Variants in TBC1D22A observed in about 807,000 individuals in gnomAD.
TBC1D22A encodes putative GTPase activator.
A neutral mutation model predicts 60.2 loss-of-function variants in TBC1D22A; 38 were observed. The observed-to-expected ratio is 0.63, with a 90% CI of 0.49 to 0.83. TBC1D22A has a LOEUF of 0.83. Among genes scored for constraint, TBC1D22A ranks in the 40% least tolerant of loss-of-function variants. TBC1D22A has a pLI of 0.00. For missense variants in TBC1D22A, 628 were observed against 701.0 expected, an observed-to-expected ratio of 0.90 and a Z score of 1.18; for synonymous variants, 302 against 281.7, an observed-to-expected ratio of 1.07 and a Z score of -0.72.
rs114582080 is a variant in TBC1D22A at position 47,044,857 on chromosome 22, T to G, written c.1329+7659T>G. On this transcript the variant is annotated intron_variant, in intron 11 of 12. Transcript: ENST00000337137. The stretch of plus-strand genomic sequence containing the variant: ...GTCCTTAGCGACTTTAAGCTTGCTT[T>G]CTTCATGTATCAATCATGTTGCTTT... Among the ~76,000 whole-genome samples, 696 of 152,352 alleles carry G rather than the reference T, an allele frequency of 4.6e-3. 5 individuals carry two copies. Among genetic ancestry groups the G allele is most frequent in the African/African-American group, 0.016 (654 of 41,586 alleles).
In TBC1D22A at chr22:47,009,400, CA is replaced by C. The variant is rs1189668559; in HGVS notation, c.1201+11692del. ...ATTTCATCACCATCACCATCATTTCCATCATCACCATCATTGTGTCATCACC... is the reference window on the plus strand; with the variant it reads ...ATTTCATCACCATCACCATCATTTCCTCATCACCATCATTGTGTCATCACC... On this transcript the variant is annotated intron_variant, in intron 10 of 12. Transcript: ENST00000337137. This position sits in a 1 kb window ranked among gnomAD's most constrained non-coding sequence, Gnocchi z 5.8. Among the ~76,000 whole-genome samples the C allele has an allele frequency of 2.0e-5, 3 of 151,574 alleles. No individual in the cohort carries two copies. Among genetic ancestry groups the C allele is most frequent in the Non-Finnish European group, 4.4e-5 (3 of 67,894 alleles).
At chr22:46,897,876 T>A (rs952957237) in intron 7 of TBC1D22A, among the ~76,000 whole-genome samples, 1 of 150,996 alleles carries the variant, frequency 6.6e-6, no homozygotes, top group African/African-American at 2.4e-5. Context: ...GTTTAAACTT[T>A]GACATTTCTT....
At chr22:47,004,358 A>G (rs1027705969) in intron 10 of TBC1D22A, among the ~76,000 whole-genome samples, 13 of 150,700 alleles carry the variant, frequency 8.6e-5, no homozygotes, top group African/African-American at 3.2e-4. Context: ...ATACACATAT[A>G]CATACACTCC....
chr22:46,892,295 T>TAA (rs130980), intron 6 of TBC1D22A, among the ~76,000 whole-genome samples: 377 of 145,664 alleles, frequency 2.6e-3, no homozygotes, highest in South Asian at 8.3e-3. Flanking sequence ...GTTTTATCTG[T>TAA]AAAAAAAAAA....
intron 12 of TBC1D22A, chr22:47,116,034 G>T (rs367908476): frequency 6.6e-6 from 1 of 152,278 alleles, no homozygotes; most frequent in East Asian, 1.9e-4. Flanking sequence ...GGGGACTGGG[G>T]GTCCAACTGC....
chr22:46,919,118 A>G (rs535906741), intron 8 of TBC1D22A, among the ~76,000 whole-genome samples: 1 of 152,322 alleles, frequency 6.6e-6, no homozygotes. Context: ...CATCATCCCC[A>G]AAAGAAATCC....
intron 4 of TBC1D22A, among the ~76,000 whole-genome samples, chr22:46,820,387 CTCT>C (rs2085776187): frequency 1.3e-5 from 2 of 152,154 alleles, no homozygotes; most frequent in Admixed American, 1.3e-4. Context: ...ATAAATTTCC[CTCT>C]TAACACTGCT....
chr22:47,090,577 C>T (rs541609961), intron 11 of TBC1D22A, among the ~76,000 whole-genome samples: 12 of 152,316 alleles, frequency 7.9e-5, no homozygotes, highest in South Asian at 6.2e-4. Context: ...TGGGGGTGTC[C>T]GGTGGTGGGT....
intron 10 of TBC1D22A, among the ~76,000 whole-genome samples, chr22:47,021,456 C>T (rs2062084645): frequency 6.6e-6 from 1 of 151,056 alleles, no homozygotes. Context: ...CACCTGTCGC[C>T]TGGAGCCCTG....
intron 4 of TBC1D22A, among the ~76,000 whole-genome samples, chr22:46,818,636 T>G (rs1251876257): frequency 2.0e-5 from 3 of 152,236 alleles, no homozygotes; most frequent in Non-Finnish European, 4.4e-5. Context: ...ACCAGTACCA[T>G]GCAGTTTTGA....
intron 5 of TBC1D22A, among the ~76,000 whole-genome samples, chr22:46,884,228 G>A (rs1295446293): frequency 6.6e-6 from 1 of 152,172 alleles, no homozygotes; most frequent in Non-Finnish European, 1.5e-5. Flanking sequence ...GGCCGAGGAG[G>A]GGAAGGGGCT....
At chr22:46,837,306 C>G (rs1378742542) in intron 4 of TBC1D22A, among the ~76,000 whole-genome samples, 1 of 152,134 alleles carries the variant, frequency 6.6e-6, no homozygotes, top group African/African-American at 2.4e-5. Flanking sequence ...TAAGGGATTT[C>G]AGTACTGCAC....
At chr22:47,157,104 G>A (rs2067752083) in intron 12 of TBC1D22A, among the ~76,000 whole-genome samples, 1 of 152,242 alleles carries the variant, frequency 6.6e-6, no homozygotes, top group Non-Finnish European at 1.5e-5. Flanking sequence ...ATCTGGGGGT[G>A]CAAGGCGCCT....
chr22:46,860,552 C>G (rs2087811527), intron 4 of TBC1D22A, among the ~76,000 whole-genome samples: 6 of 142,096 alleles, frequency 4.2e-5, no homozygotes, highest in African/African-American at 1.1e-4. Context: ...GACCAGAATC[C>G]TTTTTTGATA....
At chr22:46,994,541 G>A (rs139512847) in intron 9 of TBC1D22A, among the ~76,000 whole-genome samples, 2,039 of 152,338 alleles carry the variant, frequency 0.013, 20 homozygotes, top group Middle Eastern at 0.034. Flanking sequence ...AGCCAGGGAC[G>A]TGGCCTCTCT....
chr22:46,967,046 C>T lies in TBC1D22A; in HGVS notation c.1016-7244C>T, dbSNP rs115226275. Among the ~76,000 whole-genome samples the T allele has an allele frequency of 5.8e-3, 881 of 152,296 alleles. 7 individuals are homozygous for T. The highest frequency in any genetic ancestry group is 0.018 in the African/African-American group (746 of 41,552). ...TTGTCCTGTGATAATTGTCTGCCAA[C>T]GTCTCGCCCTCCCACCGTATGCCCG... On this transcript the variant is annotated intron_variant, in intron 8 of 12. Transcript: ENST00000337137.
At chr22:47,171,946 G>GGAGCCCACCCAGCACTCCCAGT (rs2068477385) in intron 12 of TBC1D22A, among the ~76,000 whole-genome samples, 1 of 118,012 alleles carries the variant, frequency 8.5e-6, no homozygotes, top group East Asian at 3.3e-4. Context: ...GCAGGCCAGA[G>GGAGCCCACCCAGCACTCCCAGT]GAGCCCACCC....
At chr22:46,815,560 A>G (rs1420096940) in intron 4 of TBC1D22A, among the ~76,000 whole-genome samples, 2 of 152,140 alleles carry the variant, frequency 1.3e-5, no homozygotes, top group Non-Finnish European at 2.9e-5. Context: ...GACGGTGCCC[A>G]TTTCTCTTTC....
At chr22:46,911,918 C>CAA (rs386352908) in intron 7 of TBC1D22A, among the ~76,000 whole-genome samples, 156 bp from the exon 8 acceptor site, 1 of 67,168 alleles carries the variant, frequency 1.5e-5, no homozygotes, top group African/African-American at 4.8e-5. Flanking sequence ...GACCCTGTCT[C>CAA]AAAAAAAAAA....
Sources: allele counts gnomAD v4.1 joint callset (sites outside exome capture counted in the v4.1 genomes callset), GRCh38; gene constraint gnomAD v4.1.1; non-coding constraint Gnocchi (gnomAD v3.1); transcripts MANE v1.5; gene names NCBI Gene and HGNC (gene_info 2026-07-23, HGNC 2026-07-21).